The following PPP1R12B variants were observed in gnomAD, a reference collection of about 807,000 sequenced individuals.
PPP1R12B encodes protein phosphatase 1 regulatory subunit 12B, also known as myosin phosphatase target subunit 2.
A neutral mutation model predicts 126.1 loss-of-function variants in PPP1R12B; 76 were observed. The ratio of observed to expected loss-of-function variants is 0.60; its 90% CI spans 0.50 to 0.73. The LOEUF (loss-of-function observed/expected upper bound fraction) is 0.73, where lower values mean the gene tolerates loss of function less well. Ranked by LOEUF, PPP1R12B falls within the 30% of genes least tolerant of loss-of-function variation. PPP1R12B has a pLI of 0.00. For missense variants in PPP1R12B, 1,052 were observed against 1,205.1 expected, an observed-to-expected ratio of 0.87 and a Z score of 1.88; for synonymous variants, 356 against 434.7, an observed-to-expected ratio of 0.82 and a Z score of 2.25.
At chr1:202,485,750 A>C (rs1445231867) in intron 13 of PPP1R12B, among the ~76,000 whole-genome samples, 1 of 152,086 alleles carries the variant, frequency 6.6e-6, no homozygotes, top group Non-Finnish European at 1.5e-5. Context: ...TTCTTTGGTC[A>C]TTTTAATTGA....
At chr1:202,511,303 G>A (rs1681478515) in intron 18 of PPP1R12B, among the ~76,000 whole-genome samples, 3 of 151,084 alleles carry the variant, frequency 2.0e-5, no homozygotes, top group Admixed American at 2.0e-4. Flanking sequence ...TGCAATCTCC[G>A]CCTCCCGGGT....
chr1:202,439,005 A>C, intron 10 of PPP1R12B: 1 of 1,444,922 alleles, frequency 6.9e-7, no homozygotes, highest in Non-Finnish European at 9.7e-7. Flanking sequence ...AACCGGAAGC[A>C]GGAGTGCGGC....
chr1:202,490,718 A>AT (rs1274192496), intron 14 of PPP1R12B, among the ~76,000 whole-genome samples: 1 of 152,216 alleles, frequency 6.6e-6, no homozygotes, highest in Non-Finnish European at 1.5e-5. Context: ...AAGTAGAATC[A>AT]TATAGTAGTT....
chr1:202,503,724 A>C (rs568492488), intron 18 of PPP1R12B, among the ~76,000 whole-genome samples: 1 of 152,206 alleles, frequency 6.6e-6, no homozygotes, highest in Non-Finnish European at 1.5e-5. Context: ...TTTTTCCAAA[A>C]CGAAATCAAA....
intron 23 of PPP1R12B, chr1:202,575,038 C>T (rs1688967113): frequency 1.2e-6 from 2 of 1,613,484 alleles, no homozygotes; most frequent in Non-Finnish European, 1.7e-6. Context: ...AACCTTGAAG[C>T]AGATGAACGA....
intron 1 of PPP1R12B, among the ~76,000 whole-genome samples, chr1:202,358,818 G>C (rs1657610531): frequency 6.6e-6 from 1 of 151,996 alleles, no homozygotes; most frequent in African/African-American, 2.4e-5. Flanking sequence ...TTTATATTTA[G>C]TATACTTAAA....
chr1:202,435,320 A>G (rs528454143), intron 9 of PPP1R12B, among the ~76,000 whole-genome samples: 91 of 152,346 alleles, frequency 6.0e-4, no homozygotes, highest in African/African-American at 2.0e-3. Flanking sequence ...ATAACATAAG[A>G]TAGAGTAGTC....
chr1:202,388,019 T>C (rs1413222091), intron 1 of PPP1R12B, among the ~76,000 whole-genome samples: 3 of 151,846 alleles, frequency 2.0e-5, no homozygotes, highest in Admixed American at 6.6e-5. Flanking sequence ...ATAAATTTAA[T>C]TTGAATCAAT....
intron 18 of PPP1R12B, among the ~76,000 whole-genome samples, chr1:202,516,692 C>T (rs189729622): frequency 6.6e-5 from 10 of 152,270 alleles, no homozygotes; most frequent in Non-Finnish European, 1.0e-4. Context: ...TATCATTTGG[C>T]ACATTGTGGT....
At chr1:202,393,345 A>G (rs1360699359) in intron 1 of PPP1R12B, among the ~76,000 whole-genome samples, 1 of 152,180 alleles carries the variant, frequency 6.6e-6, no homozygotes, top group African/African-American at 2.4e-5. Flanking sequence ...CACATGAGAA[A>G]CTTCTCAGAT....
chr1:202,410,744 T>A (rs1667277080), intron 1 of PPP1R12B, among the ~76,000 whole-genome samples: 1 of 152,216 alleles, frequency 6.6e-6, no homozygotes, highest in African/African-American at 2.4e-5. Flanking sequence ...ATGCTGATGT[T>A]GGGAAACTTT....
Position 202,588,328 on chromosome 1 carries a change from G to A in PPP1R12B, c.*7768G>A, listed in dbSNP as rs1462205898. ...TCCACTGTAAATACACCTGGGATGG[G>A]GTGGGGTTGGGGTTGTTTAGGGAGA... On this transcript the variant is annotated 3_prime_UTR_variant, in exon 24 of 24. Transcript: ENST00000608999. The A allele has an allele frequency of 6.6e-6, 1 of 152,588 alleles. No individual in the cohort carries two copies. The highest frequency in any genetic ancestry group is 1.9e-4 in the East Asian group (1 of 5,184). The allele number at this position is 152,588 out of a possible 1,614,324, so 9.5% of individuals were successfully genotyped here. A position where few individuals can be genotyped will look rare whatever the true frequency, so the allele number is the denominator to read the frequency against.
At chr1:202,488,480 C>T in intron 13 of PPP1R12B, 53 bp from the exon 14 acceptor site, 5 of 1,343,552 alleles carry the variant, frequency 3.7e-6, no homozygotes, top group Non-Finnish European at 5.2e-6. Flanking sequence ...TGTCATTCCT[C>T]AAGTATATGC....
intron 13 of PPP1R12B, among the ~76,000 whole-genome samples, chr1:202,461,567 T>C (rs1367145133): frequency 5.9e-5 from 9 of 152,202 alleles, no homozygotes; most frequent in African/African-American, 2.2e-4. Flanking sequence ...CCTAAAATGC[T>C]AAATATTAAT....
intron 1 of PPP1R12B, among the ~76,000 whole-genome samples, chr1:202,395,836 G>A (rs1349400817): frequency 6.6e-6 from 1 of 152,176 alleles, no homozygotes; most frequent in Non-Finnish European, 1.5e-5. Context: ...CTAACTGGAT[G>A]AACCTAACTC....
intron 18 of PPP1R12B, among the ~76,000 whole-genome samples, chr1:202,515,730 T>C (rs1391592031): frequency 7.9e-5 from 12 of 152,162 alleles, no homozygotes; most frequent in Non-Finnish European, 1.5e-4. Context: ...ATTCTTTTTA[T>C]TTTTTGTAGA....
rs530725389 is a variant in PPP1R12B at position 202,364,586 on chromosome 1, A to AT, written c.291+15452dup. Among the ~76,000 whole-genome samples, 1,050 of 150,356 alleles carry AT rather than the reference A, an allele frequency of 7.0e-3. 4 individuals carry two copies. The highest frequency in any genetic ancestry group is 8.8e-3 in the Non-Finnish European group (592 of 67,546). ...TTAATTTATTTATTTTTATTTATTTATTTTTTTTGAGACGGAGTCTTGCTC... is the reference window on the plus strand; with the variant it reads ...TTAATTTATTTATTTTTATTTATTTATTTTTTTTTGAGACGGAGTCTTGCTC... On this transcript the variant is annotated intron_variant, in intron 1 of 23. Transcript: ENST00000608999.
intron 1 of PPP1R12B, among the ~76,000 whole-genome samples, chr1:202,381,549 A>G (rs1459231121): frequency 6.6e-6 from 1 of 152,066 alleles, no homozygotes; most frequent in Non-Finnish European, 1.5e-5. Flanking sequence ...GAAAATTTCC[A>G]TCAGTGTTTT....
At chr1:202,383,263 A>G (rs989762946) in intron 1 of PPP1R12B, among the ~76,000 whole-genome samples, 8 of 152,248 alleles carry the variant, frequency 5.3e-5, no homozygotes, top group Non-Finnish European at 7.3e-5. Context: ...TATAAGGTTT[A>G]TGAAAGTCAG....
Sources: gnomAD v4.1 joint callset for allele counts (sites outside exome capture counted in the v4.1 genomes callset) on GRCh38, gnomAD v4.1.1 for gene constraint, MANE v1.5 for transcripts, NCBI Gene and HGNC (gene_info 2026-07-23, HGNC 2026-07-21) for gene names.